Variants in PCDH9 observed in about 807,000 individuals in gnomAD.
The protein encoded by PCDH9 is protocadherin-9.
In PCDH9, 24 loss-of-function variants were observed where a neutral mutation model predicts 70.6. The observed-to-expected ratio is 0.34, with a 90% CI of 0.25 to 0.48. The LOEUF is 0.48. Ranked by LOEUF, PCDH9 falls within the 20% of genes least tolerant of loss-of-function variation. The pLI, the probability that PCDH9 is intolerant of heterozygous loss-of-function variation, is 0.99. For missense variants in PCDH9, 1,281 were observed against 1,503.6 expected (o/e 0.85, Z 2.45); for synonymous variants, 562 against 558.5 (o/e 1.01, Z -0.09).
intron 4 of PCDH9, among the ~76,000 whole-genome samples, chr13:66,414,110 C>A (rs771061638): frequency 6.6e-6 from 1 of 151,940 alleles, no homozygotes; most frequent in Non-Finnish European, 1.5e-5. Flanking sequence ...GAAAAAAAAT[C>A]AAAGACTAGA....
At chr13:66,457,577 G>A (rs1958342417) in intron 4 of PCDH9, among the ~76,000 whole-genome samples, 1 of 151,886 alleles carries the variant, frequency 6.6e-6, no homozygotes. Flanking sequence ...TAACAGCCTA[G>A]GGAGTTTTTT....
At chr13:66,467,853 A>G (rs1958545376) in intron 4 of PCDH9, among the ~76,000 whole-genome samples, 1 of 152,036 alleles carries the variant, frequency 6.6e-6, no homozygotes, top group African/African-American at 2.4e-5. Context: ...TTTATTTTCT[A>G]TTCACTTATG....
chr13:66,977,490 A>C (rs1278934937), intron 2 of PCDH9: 1 of 152,160 alleles, frequency 6.6e-6, no homozygotes, highest in Non-Finnish European at 1.5e-5. Context: ...TGACTACTTA[A>C]GATTCTGTTG....
At chr13:66,720,286 C>T (rs1469864402) in intron 3 of PCDH9, among the ~76,000 whole-genome samples, 1 of 151,212 alleles carries the variant, frequency 6.6e-6, no homozygotes, top group Non-Finnish European at 1.5e-5. Context: ...GCTGGGTTTA[C>T]AGGCACGTGC....
At chr13:66,358,159 C>A (rs1165472468) in intron 4 of PCDH9, among the ~76,000 whole-genome samples, 1 of 151,886 alleles carries the variant, frequency 6.6e-6, no homozygotes, top group African/African-American at 2.4e-5. Context: ...ATAACTTTAT[C>A]ATTTCTTTAA....
At position 66,502,908 on chromosome 13, in the gene PCDH9, G is replaced by A. The variant is rs75523662; in HGVS notation, c.3340+128302C>T. ...CCAAGGAGAAATTTAAGAGAAAAAT[G>A]CCACTAATTTAAGTCTGCAAAGAAT... On this transcript the variant is annotated intron_variant, in intron 4 of 4. Transcript: ENST00000377865. Among the ~76,000 whole-genome samples the A allele has an allele frequency of 4.7e-3, 710 of 152,258 alleles. 32 individuals are homozygous for A. The East Asian group carries it at 0.091, about 20-fold the overall frequency.
intron 4 of PCDH9, among the ~76,000 whole-genome samples, chr13:66,627,871 C>T: frequency 6.6e-6 from 1 of 152,208 alleles, no homozygotes; most frequent in East Asian, 1.9e-4. Context: ...AGGACCTCTG[C>T]TATCTTTTTC....
At chr13:67,201,674 A>C (rs193270619) in intron 2 of PCDH9, 2 of 152,186 alleles carry the variant, frequency 1.3e-5, no homozygotes, top group Non-Finnish European at 2.9e-5. Context: ...TCAAAATAGA[A>C]ATATATTGCT....
intron 4 of PCDH9, among the ~76,000 whole-genome samples, chr13:66,484,526 C>T (rs1958905419): frequency 6.6e-6 from 1 of 152,130 alleles, no homozygotes; most frequent in Non-Finnish European, 1.5e-5. Flanking sequence ...AGAGTAGATT[C>T]TAGAATAGCA....
chr13:66,685,947 G>A (rs1053063431), intron 3 of PCDH9, among the ~76,000 whole-genome samples: 1 of 152,280 alleles, frequency 6.6e-6, no homozygotes, highest in Non-Finnish European at 1.5e-5. Flanking sequence ...AGATTTACAG[G>A]CTTATAGGTG....
At chr13:66,825,398 G>A (rs1430693824) in intron 3 of PCDH9, among the ~76,000 whole-genome samples, 10 of 141,546 alleles carry the variant, frequency 7.1e-5, no homozygotes, top group East Asian at 2.1e-4. Flanking sequence ...GTGCAGTGGC[G>A]CGATCTCGAC....
intron 4 of PCDH9, among the ~76,000 whole-genome samples, chr13:66,455,383 T>C (rs1958298685): frequency 6.6e-6 from 1 of 151,970 alleles, no homozygotes; most frequent in African/African-American, 2.4e-5. Flanking sequence ...ATTCTCATAA[T>C]AGTTTTTGGT....
At chr13:66,819,137 A>G (rs2080663812) in intron 3 of PCDH9, among the ~76,000 whole-genome samples, 1 of 152,112 alleles carries the variant, frequency 6.6e-6, no homozygotes, top group Non-Finnish European at 1.5e-5. Context: ...AACTGAGCAT[A>G]GGAAAGATAA....
At chr13:67,006,445 T>C (rs1158494266) in intron 2 of PCDH9, among the ~76,000 whole-genome samples, 1 of 152,186 alleles carries the variant, frequency 6.6e-6, no homozygotes, top group Non-Finnish European at 1.5e-5. Flanking sequence ...GAATAATGTA[T>C]CAAAAATACT....
chr13:67,024,589 G>A (rs1292851971), intron 2 of PCDH9, among the ~76,000 whole-genome samples: 2 of 151,638 alleles, frequency 1.3e-5, no homozygotes, highest in African/African-American at 4.8e-5. Context: ...ATATTGGTTA[G>A]GCTATTTCCA....
intron 2 of PCDH9, among the ~76,000 whole-genome samples, chr13:66,989,878 T>C (rs961728964): frequency 6.6e-6 from 1 of 151,866 alleles, no homozygotes; most frequent in African/African-American, 2.4e-5. Flanking sequence ...CATTTTTACC[T>C]GCACTGTAGA....
chr13:66,541,304 G>A (rs538604728), intron 4 of PCDH9, among the ~76,000 whole-genome samples: 1 of 152,202 alleles, frequency 6.6e-6, no homozygotes, highest in South Asian at 2.1e-4. Context: ...GTAAGGTAGA[G>A]AAACCTCCAG....
chr13:66,808,960 TGTTTTGAGAC>T (rs1457879495), intron 3 of PCDH9, among the ~76,000 whole-genome samples: 2 of 152,220 alleles, frequency 1.3e-5, no homozygotes, highest in Non-Finnish European at 2.9e-5. Flanking sequence ...CATTCTTGTT[TGTTTTGAGAC>T]GGAGTCTTGC....
At chr13:66,885,600 T>C (rs2081991915) in intron 3 of PCDH9, among the ~76,000 whole-genome samples, 2 of 152,178 alleles carry the variant, frequency 1.3e-5, no homozygotes, top group Non-Finnish European at 2.9e-5. Context: ...ATTGGGATTA[T>C]GCATTTATAT....
Sources: gnomAD v4.1 joint callset for allele counts (sites outside exome capture counted in the v4.1 genomes callset) on GRCh38, gnomAD v4.1.1 for gene constraint, MANE v1.5 for transcripts, NCBI Gene and HGNC (gene_info 2026-07-23, HGNC 2026-07-21) for gene names.